The following PARD3 variants were observed in gnomAD, a reference collection of about 807,000 sequenced individuals.
PARD3 encodes par-3 family cell polarity regulator, also known as partitioning defective 3 homolog.
A neutral mutation model predicts 155.4 loss-of-function variants in PARD3; 75 were observed. That is an observed-to-expected ratio of 0.48 (90% confidence interval 0.40 to 0.58). The LOEUF (loss-of-function observed/expected upper bound fraction) is 0.58, where lower values mean the gene tolerates loss of function less well. Among genes scored for constraint, PARD3 ranks in the 20% least tolerant of loss-of-function variants. PARD3 has a pLI of 0.00. For missense variants in PARD3, 1,642 were observed against 1,721.7 expected (o/e 0.95, Z 0.82); for synonymous variants, 576 against 610.5 (o/e 0.94, Z 0.83).
chr10:34,259,167 C>G (rs626859), intron 22 of PARD3, among the ~76,000 whole-genome samples: 87,665 of 151,690 alleles, frequency 0.58, 26,295 homozygotes, highest in African/African-American at 0.75. Flanking sequence ...GAATGCAAAG[C>G]ACTCAAGTTT....
At chr10:34,145,189 G>GTATATATATATATATATATATA (rs575139416) in intron 22 of PARD3, among the ~76,000 whole-genome samples, 1 of 49,608 alleles carries the variant, frequency 2.0e-5, no homozygotes, top group Non-Finnish European at 3.3e-5. Context: ...GTGTGTGTGT[G>GTATATATATATATATATATATA]TATATATATA....
intron 22 of PARD3, among the ~76,000 whole-genome samples, chr10:34,268,698 T>C (rs553147300): frequency 1.3e-4 from 20 of 151,980 alleles, no homozygotes; most frequent in South Asian, 8.3e-4. Flanking sequence ...AAACACCACA[T>C]GTTCTCACTC....
intron 2 of PARD3, among the ~76,000 whole-genome samples, chr10:34,668,640 ATC>A (rs779236145): frequency 5.9e-5 from 9 of 152,202 alleles, no homozygotes; most frequent in Non-Finnish European, 8.8e-5. Context: ...TCAAAGATAT[ATC>A]TTATGGTACA....
At chr10:34,217,574 CA>C (rs1363350058) in intron 22 of PARD3, among the ~76,000 whole-genome samples, 1 of 152,084 alleles carries the variant, frequency 6.6e-6, no homozygotes, top group Non-Finnish European at 1.5e-5. Flanking sequence ...TTGGAGCAGA[CA>C]GCAGACTACA....
chr10:34,208,810 C>G (rs1020715632), intron 22 of PARD3, among the ~76,000 whole-genome samples: 1 of 152,088 alleles, frequency 6.6e-6, no homozygotes, highest in African/African-American at 2.4e-5. Flanking sequence ...TTCTGAGTTC[C>G]TTTCAGACAT....
At chr10:34,652,267 A>G (rs1362394160) in intron 2 of PARD3, among the ~76,000 whole-genome samples, 1 of 152,204 alleles carries the variant, frequency 6.6e-6, no homozygotes, top group African/African-American at 2.4e-5. Flanking sequence ...CAGGTTAACT[A>G]CTTTGCTGGT....
chr10:34,372,601 C>G lies in PARD3; in HGVS notation c.1669-65G>C, dbSNP rs1840802923. The G allele has an allele frequency of 2.7e-6, 3 of 1,115,786 alleles. No homozygotes were observed. The South Asian group carries it at 3.8e-5, about 14-fold the overall frequency. 69.1% of individuals were successfully genotyped at this position (1,115,786 alleles called of 1,614,324 possible). On this transcript the variant is annotated intron_variant, in intron 11 of 24. Coordinates refer to ENST00000374788, the MANE Select transcript of PARD3 (RefSeq NM_001184785.2). ...AAGCCATCTTCAACACACAGGGACACAATGATTTATTTTAAAGAAAATTTT... is the reference window on the plus strand; with the variant it reads ...AAGCCATCTTCAACACACAGGGACAGAATGATTTATTTTAAAGAAAATTTT...
rs1220564173 is a variant in PARD3, at chr10:34,111,217, C to T, written c.4014G>A (p.Arg1338=). The change falls in exon 25 of 25, where the codon AGG becomes AGA. Residue 1338 remains arginine (R), a synonymous_variant. Transcript: ENST00000374788. ...DVPPSPSQVA[R]LNRLQTPEKG... is the part of the protein sequence containing the mutation. ...TCTCAGGAGTCTGAAGTCTGTTCAGCCTCGCAACCTGAGAAGGGGAGGGGG... is the reference window on the plus strand; with the variant it reads ...TCTCAGGAGTCTGAAGTCTGTTCAGTCTCGCAACCTGAGAAGGGGAGGGGG... 1 of 1,604,950 alleles carries T rather than the reference C, an allele frequency of 6.2e-7. No homozygotes were observed. Among genetic ancestry groups the T allele is most frequent in the Non-Finnish European group, 8.5e-7 (1 of 1,173,506 alleles).
intron 22 of PARD3, among the ~76,000 whole-genome samples, chr10:34,263,700 T>C (rs376794973): frequency 2.0e-5 from 3 of 152,162 alleles, no homozygotes; most frequent in South Asian, 4.1e-4. Context: ...TCTGGCTCCA[T>C]AGTTCATTCT....
intron 3 of PARD3, among the ~76,000 whole-genome samples, chr10:34,515,421 T>A (rs920870701): frequency 6.6e-6 from 1 of 152,218 alleles, no homozygotes; most frequent in Admixed American, 6.5e-5. Flanking sequence ...CTTGGAAACA[T>A]CTGTCATTGT....
intron 22 of PARD3, among the ~76,000 whole-genome samples, chr10:34,167,379 C>G (rs566073089): frequency 6.6e-6 from 1 of 152,056 alleles, no homozygotes; most frequent in Non-Finnish European, 1.5e-5. Flanking sequence ...ACACCATACA[C>G]AATTAGTCTG....
chr10:34,747,161 TA>T (rs1835428368), intron 1 of PARD3, among the ~76,000 whole-genome samples: 1 of 152,238 alleles, frequency 6.6e-6, no homozygotes, highest in Non-Finnish European at 1.5e-5. Context: ...GAAATCAATG[TA>T]AAAATCTAAT....
chr10:34,504,078 T>C lies in PARD3; in HGVS notation c.403+12901A>G, dbSNP rs72794328. On this transcript the variant is annotated intron_variant, in intron 3 of 24. Transcript: ENST00000374788. The stretch of plus-strand genomic sequence containing the variant: ...ATCAACCCATTCTTGAGCAAAACCA[T>C]GCTCACTGCACTTCCACATTCACAA... Among the ~76,000 whole-genome samples, 1,341 of 152,160 alleles carry C rather than the reference T, an allele frequency of 8.8e-3. 9 individuals are homozygous for C. Among genetic ancestry groups the C allele is most frequent in the Non-Finnish European group, 0.016 (1,098 of 67,982 alleles).
intron 10 of PARD3, among the ~76,000 whole-genome samples, chr10:34,375,309 G>A (rs1194060119): frequency 6.6e-6 from 1 of 152,114 alleles, no homozygotes; most frequent in Non-Finnish European, 1.5e-5. Flanking sequence ...TTTCAAAAAT[G>A]TCAAGTTAAC....
At chr10:34,278,567 T>G (rs1956000447) in intron 21 of PARD3, among the ~76,000 whole-genome samples, 1 of 152,132 alleles carries the variant, frequency 6.6e-6, no homozygotes, top group Admixed American at 6.6e-5. Context: ...CTTGTGATAG[T>G]GACTTAGATC....
rs138075159 is a variant in PARD3 at position 34,277,269 on chromosome 10, G to A, written c.3176+6866C>T. Among the ~76,000 whole-genome samples the A allele has an allele frequency of 6.6e-5, 10 of 152,244 alleles. No individual in the cohort carries two copies. The East Asian group carries it at 1.9e-3, about 29-fold the overall frequency. On this transcript the variant is annotated intron_variant, in intron 21 of 24. Coordinates refer to ENST00000374788, the MANE Select transcript of PARD3 (RefSeq NM_001184785.2). ...AAAGCAGTTTTAGTCCACCATGGAA[G>A]GCTTTATTGGGCCCTCAGAGTACTT...
chr10:34,716,879 A>T lies in PARD3; in HGVS notation c.121-20460T>A, dbSNP rs1037467887. On this transcript the variant is annotated intron_variant, in intron 1 of 24. Transcript: ENST00000374788. The stretch of plus-strand genomic sequence containing the variant: ...AGTGCTGGGATTACAGGTGTGAGCC[A>T]CTGCACCCAGCCTCAGGATGGCTTT... Among the ~76,000 whole-genome samples, 4 of 152,080 alleles carry T rather than the reference A, an allele frequency of 2.6e-5. No individual in the cohort carries two copies. The East Asian group carries it at 5.8e-4, about 22-fold the overall frequency.
At chr10:34,359,808 T>TTTG (rs1839264699) in intron 13 of PARD3, among the ~76,000 whole-genome samples, 1 of 152,178 alleles carries the variant, frequency 6.6e-6, no homozygotes, top group South Asian at 2.1e-4. Flanking sequence ...ACAGGACCTA[T>TTTG]GCCAAGTCTT....
intron 1 of PARD3, among the ~76,000 whole-genome samples, chr10:34,717,285 G>T (rs1322970208): frequency 6.6e-6 from 1 of 152,046 alleles, no homozygotes; most frequent in Non-Finnish European, 1.5e-5. Flanking sequence ...TGGTCTCTGG[G>T]GTTCCTATAT....
Sources: gnomAD v4.1 joint callset for allele counts (sites outside exome capture counted in the v4.1 genomes callset) on GRCh38, gnomAD v4.1.1 for gene constraint, MANE v1.5 for transcripts, NCBI Gene and HGNC (gene_info 2026-07-23, HGNC 2026-07-21) for gene names.